HIRA: variants seen among roughly 807,000 people sequenced by gnomAD.
HIRA encodes protein HIRA.
A neutral mutation model predicts 126.6 loss-of-function variants in HIRA; 13 were observed. The observed-to-expected ratio is 0.10, with a 90% confidence interval of 0.07 to 0.16. HIRA has a LOEUF of 0.16. HIRA is among the 10% of genes least tolerant of loss of function. The probability of loss-of-function intolerance (pLI) is 1.00; values close to 1 mark genes in which losing one functional copy is unlikely to be tolerated. For synonymous variants in HIRA, 511 were observed against 520.0 expected (o/e 0.98, Z 0.24); for missense variants, 834 against 1,314.4 (o/e 0.63, Z 5.65).
chr22:19,370,537 T>G (rs1308081877), intron 15 of HIRA, among the ~76,000 whole-genome samples: 1 of 152,196 alleles, frequency 6.6e-6, no homozygotes, highest in African/African-American at 2.4e-5. Flanking sequence ...CATGAGCCAC[T>G]GCACCAGGCC....
intron 1 of HIRA, among the ~76,000 whole-genome samples, chr22:19,421,276 G>C (rs1458604459): frequency 6.9e-6 from 1 of 145,942 alleles, no homozygotes; most frequent in South Asian, 2.3e-4. Flanking sequence ...TCCAGCCTGG[G>C]CAACAAAAGC....
In HIRA at chr22:19,378,084, C is replaced by T. The variant is rs779540178; in HGVS notation, c.1416-18G>A. 1.3e-6 allele frequency: 2 copies of T among 1,513,036 alleles called. No individual in the cohort carries two copies. The highest frequency in any genetic ancestry group is 1.3e-5 in the South Asian group (1 of 76,534). 93.7% of individuals were successfully genotyped at this position (1,513,036 alleles called of 1,614,324 possible). A position where few individuals can be genotyped will look rare whatever the true frequency, so the allele number is the denominator to read the frequency against. Reference sequence around the variant, plus strand: ...AGAAGTCCCTGTCATCAAGTAAGAACAAAAGTCAGCCTTGAAAGTCAGGTG... The same window carrying T: ...AGAAGTCCCTGTCATCAAGTAAGAATAAAAGTCAGCCTTGAAAGTCAGGTG... On this transcript the variant is annotated intron_variant, in intron 13 of 24. Coordinates refer to ENST00000263208, the MANE Select transcript of HIRA (RefSeq NM_003325.4).
intron 19 of HIRA, 130 bp from the exon 20 acceptor site, chr22:19,356,418 C>A: frequency 1.4e-6 from 1 of 730,344 alleles, no homozygotes. Context: ...GAGAGGGGCT[C>A]TGGGCTACGA....
intron 15 of HIRA, among the ~76,000 whole-genome samples, chr22:19,370,166 T>C (rs1010459699): frequency 2.6e-5 from 4 of 152,144 alleles, no homozygotes; most frequent in Non-Finnish European, 4.4e-5. Flanking sequence ...TTGGCCAGGC[T>C]GGTCTCCAAC....
intron 1 of HIRA, among the ~76,000 whole-genome samples, chr22:19,421,692 G>C (rs1479629051): frequency 6.6e-6 from 1 of 152,096 alleles, no homozygotes; most frequent in Non-Finnish European, 1.5e-5. Context: ...GTGTGTATGA[G>C]ATGGAGTCTT....
At chr22:19,363,801 G>A (rs139400782) in intron 15 of HIRA, among the ~76,000 whole-genome samples, 53 of 152,182 alleles carry the variant, frequency 3.5e-4, no homozygotes, top group Admixed American at 3.4e-3. Flanking sequence ...GGGAGGCTGA[G>A]GTAGGAGAAT....
intron 5 of HIRA, chr22:19,405,416 T>C (rs2089300215): frequency 2.4e-6 from 2 of 832,478 alleles, no homozygotes; most frequent in South Asian, 1.1e-4. Flanking sequence ...AACTTTTCAA[T>C]GGGCATCTGT....
intron 24 of HIRA, among the ~76,000 whole-genome samples, chr22:19,338,303 A>C (rs1213673343): frequency 2.0e-5 from 3 of 152,200 alleles, no homozygotes; most frequent in African/African-American, 7.2e-5. Context: ...CACTACAAGA[A>C]ATGCTAAAAG....
rs955683041 is a variant in HIRA at position 19,405,477 on chromosome 22, G to A, written c.397+309C>T. On this transcript the variant is annotated intron_variant, in intron 5 of 24. Transcript: ENST00000263208. ...AGTGTGCTTACGGACTTAGTGATCC[G>A]CTGATGAAGGTACTGATTCTGTTCA... 72 of 985,140 alleles carry A rather than the reference G, an allele frequency of 7.3e-5. 1 individual carries two copies. In the African/African-American group the frequency reaches 8.5e-4, roughly 12 times the overall value. The allele number at this position is 985,140 out of a possible 1,614,324, so 61.0% of individuals were successfully genotyped here. A position where few individuals can be genotyped will look rare whatever the true frequency, so the allele number is the denominator to read the frequency against.
At chr22:19,338,083 C>A (rs551415131) in intron 24 of HIRA, among the ~76,000 whole-genome samples, 1 of 152,056 alleles carries the variant, frequency 6.6e-6, no homozygotes, top group Non-Finnish European at 1.5e-5. Flanking sequence ...TGAGCCACTG[C>A]GCCTGGCCAG....
At chr22:19,386,572 A>G (rs2089129489) in intron 11 of HIRA, among the ~76,000 whole-genome samples, 1 of 152,028 alleles carries the variant, frequency 6.6e-6, no homozygotes, top group African/African-American at 2.4e-5. Flanking sequence ...GTGGCCAGGA[A>G]CCTCCTTTTC....
chr22:19,334,846 T>C (rs2088545818), intron 24 of HIRA, among the ~76,000 whole-genome samples: 1 of 152,220 alleles, frequency 6.6e-6, no homozygotes, highest in Non-Finnish European at 1.5e-5. Flanking sequence ...TTAATGATTA[T>C]TGATATATTA....
At chr22:19,430,997 G>A (rs549655492) in intron 1 of HIRA, among the ~76,000 whole-genome samples, 9 of 152,268 alleles carry the variant, frequency 5.9e-5, no homozygotes, top group East Asian at 1.9e-4. Context: ...GATCCAGAGG[G>A]GCAGTAACAG....
At chr22:19,396,419 G>A (rs1262916858) in intron 7 of HIRA, among the ~76,000 whole-genome samples, 1 of 152,232 alleles carries the variant, frequency 6.6e-6, no homozygotes, top group Non-Finnish European at 1.5e-5. Context: ...AGGAGGCTGA[G>A]GCAGGAGAAT....
In HIRA at chr22:19,387,875, G is replaced by A. The variant is rs549616775; in HGVS notation, c.1008-59C>T. ...AGAGCCCCAGGCAGACACATGTGCC[G>A]CAGTAGCTGGCCTGTGAGGATGGTG... On this transcript the variant is annotated intron_variant, in intron 10 of 24. Transcript: ENST00000263208. The A allele has an allele frequency of 3.8e-5, 44 of 1,160,870 alleles. 1 individual carries two copies. Among genetic ancestry groups the A allele is most frequent in the South Asian group, 2.1e-4 (16 of 77,138 alleles). 71.9% of individuals were successfully genotyped at this position (1,160,870 alleles called of 1,614,324 possible).
chr22:19,353,609 C>G (rs1364353648), intron 22 of HIRA, 90 bp from the exon 23 acceptor site: 1 of 1,343,502 alleles, frequency 7.4e-7, no homozygotes, highest in Admixed American at 2.6e-5. Flanking sequence ...AAGGAGCTGG[C>G]AGGAGGCAGG....
chr22:19,348,646 C>A (rs897530083), intron 24 of HIRA, among the ~76,000 whole-genome samples: 1 of 150,750 alleles, frequency 6.6e-6, no homozygotes, highest in Non-Finnish European at 1.5e-5. Flanking sequence ...CAGGTGCCCG[C>A]CACCATGCCT....
intron 24 of HIRA, among the ~76,000 whole-genome samples, chr22:19,333,711 T>C (rs1353232259): frequency 5.3e-5 from 8 of 152,200 alleles, no homozygotes; most frequent in African/African-American, 1.7e-4. Context: ...GAACTCCCAT[T>C]ATGGATTCAT....
intron 12 of HIRA, 42 bp downstream of exon 12, chr22:19,385,479 G>A: frequency 6.4e-7 from 1 of 1,568,456 alleles, no homozygotes; most frequent in Non-Finnish European, 8.8e-7. Flanking sequence ...CTGTCCCTGG[G>A]CATATGTCCA....
Sources: gnomAD v4.1 joint callset for allele counts (sites outside exome capture counted in the v4.1 genomes callset) on GRCh38, gnomAD v4.1.1 for gene constraint, MANE v1.5 for transcripts, NCBI Gene and HGNC (gene_info 2026-07-23, HGNC 2026-07-21) for gene names.